WBP1L: variants seen among roughly 807,000 people sequenced by gnomAD.
WBP1L encodes WW domain binding protein 1-like.
In WBP1L, 17 loss-of-function variants were observed where a neutral mutation model predicts 33.7. The ratio of observed to expected loss-of-function variants is 0.50; its 90% confidence interval spans 0.34 to 0.76. The LOEUF (loss-of-function observed/expected upper bound fraction) is 0.76, where lower values mean the gene tolerates loss of function less well. Ranked by LOEUF, WBP1L falls within the 30% of genes least tolerant of loss-of-function variation. The probability of loss-of-function intolerance (pLI) is 0.01; values close to 1 mark genes in which losing one functional copy is unlikely to be tolerated. For missense variants in WBP1L, 389 were observed against 469.4 expected, an observed-to-expected ratio of 0.83 and a Z score of 1.58; for synonymous variants, 173 against 190.8, an observed-to-expected ratio of 0.91 and a Z score of 0.77.
At chr10:102,763,364 G>A (rs1474166571) in intron 1 of WBP1L, among the ~76,000 whole-genome samples, 1 of 152,106 alleles carries the variant, frequency 6.6e-6, no homozygotes, top group Non-Finnish European at 1.5e-5. Flanking sequence ...AGGCTTAACC[G>A]TAAGCTTATA....
rs1283811903 is a variant in WBP1L, at chr10:102,810,670, G to A, written c.355+616G>A. Among the ~76,000 whole-genome samples the A allele has an allele frequency of 6.3e-5, 9 of 142,810 alleles. No individual in the cohort carries two copies. The East Asian group carries it at 1.3e-3, about 20-fold the overall frequency. The allele number at this position is 142,810 out of a possible 152,430, so 93.7% of individuals were successfully genotyped here. On this transcript the variant is annotated intron_variant, in intron 3 of 3. Coordinates refer to ENST00000448841, the MANE Select transcript of WBP1L (RefSeq NM_001083913.2). ...CAACCTCTGCTTTCCAGGTTCAAGCGATTCTCCCGCCTCAGCCTCCAAAGT... is the reference window on the plus strand; with the variant it reads ...CAACCTCTGCTTTCCAGGTTCAAGCAATTCTCCCGCCTCAGCCTCCAAAGT...
At chr10:102,780,976 C>T (rs558799293) in intron 1 of WBP1L, among the ~76,000 whole-genome samples, 2 of 152,270 alleles carry the variant, frequency 1.3e-5, no homozygotes, top group East Asian at 1.9e-4. Context: ...TGGGATGATC[C>T]CTGATACTGG....
chr10:102,794,276 A>C (rs1843541885), intron 1 of WBP1L, among the ~76,000 whole-genome samples: 1 of 152,162 alleles, frequency 6.6e-6, no homozygotes, highest in Non-Finnish European at 1.5e-5. Context: ...TGAGGCTGCT[A>C]TGTCAGGGTG....
At chr10:102,765,995 A>G (rs1001195712) in intron 1 of WBP1L, among the ~76,000 whole-genome samples, 1 of 152,200 alleles carries the variant, frequency 6.6e-6, no homozygotes, top group Non-Finnish European at 1.5e-5. Context: ...ACAGTGAAAG[A>G]TGAAATCAGA....
intron 1 of WBP1L, among the ~76,000 whole-genome samples, chr10:102,795,972 C>T (rs767187974): frequency 2.0e-5 from 3 of 151,996 alleles, no homozygotes; most frequent in East Asian, 1.9e-4. Context: ...ATGGTGAAAA[C>T]GGAAGGAGGA....
chr10:102,784,471 G>A (rs1367259695), intron 1 of WBP1L, among the ~76,000 whole-genome samples: 1 of 145,054 alleles, frequency 6.9e-6, no homozygotes, highest in African/African-American at 2.6e-5. Context: ...TGTCGCCCAG[G>A]CTGGAGTGCA....
At chr10:102,787,599 A>G (rs1843434070) in intron 1 of WBP1L, among the ~76,000 whole-genome samples, 1 of 152,024 alleles carries the variant, frequency 6.6e-6, no homozygotes, top group Admixed American at 6.6e-5. Context: ...AGAGGGGGAA[A>G]AAAAAGAGAG....
At chr10:102,767,265 A>G (rs1368764388) in intron 1 of WBP1L, among the ~76,000 whole-genome samples, 4 of 152,226 alleles carry the variant, frequency 2.6e-5, no homozygotes, top group African/African-American at 9.7e-5. Flanking sequence ...GTGATTGTCA[A>G]CAACAAAATG....
At chr10:102,749,398 G>A (rs1160545491) in intron 1 of WBP1L, among the ~76,000 whole-genome samples, 1 of 151,542 alleles carries the variant, frequency 6.6e-6, no homozygotes, top group Non-Finnish European at 1.5e-5. Flanking sequence ...AGCCTCCCAA[G>A]GAGCTAGGAT....
chr10:102,775,475 G>T (rs554333658), intron 1 of WBP1L, among the ~76,000 whole-genome samples: 1 of 152,306 alleles, frequency 6.6e-6, no homozygotes, highest in East Asian at 1.9e-4. Context: ...ACCAAGAGTT[G>T]GTTTAAATAT....
At chr10:102,744,838 T>G (rs1842845884) in intron 1 of WBP1L, among the ~76,000 whole-genome samples, 1 of 152,216 alleles carries the variant, frequency 6.6e-6, no homozygotes, top group South Asian at 2.1e-4. Context: ...TCAGGGCTTT[T>G]GACCAGAGGG....
intron 1 of WBP1L, among the ~76,000 whole-genome samples, chr10:102,790,790 C>T (rs904968334): frequency 6.6e-6 from 1 of 152,120 alleles, no homozygotes; most frequent in African/African-American, 2.4e-5. Context: ...GAATTACAAG[C>T]GTGAGCCACC....
intron 1 of WBP1L, 84 bp downstream of exon 1, chr10:102,744,227 C>A: frequency 7.1e-7 from 1 of 1,401,678 alleles, no homozygotes. Context: ...AGTGTTGTTG[C>A]CAAGAGTTGA....
At chr10:102,769,355 T>TC (rs1843156503) in intron 1 of WBP1L, among the ~76,000 whole-genome samples, 1 of 142,674 alleles carries the variant, frequency 7.0e-6, no homozygotes, top group African/African-American at 2.5e-5. Context: ...TTTTCTTTTT[T>TC]CTTTCTTTTT....
At chr10:102,765,543 T>C (rs1185973148) in intron 1 of WBP1L, among the ~76,000 whole-genome samples, 1 of 152,180 alleles carries the variant, frequency 6.6e-6, no homozygotes, top group Non-Finnish European at 1.5e-5. Flanking sequence ...CAGGATCCTC[T>C]CTTTAGTCAC....
At chr10:102,804,495 A>G (rs1455487904) in intron 2 of WBP1L, among the ~76,000 whole-genome samples, 1 of 151,750 alleles carries the variant, frequency 6.6e-6, no homozygotes, top group Non-Finnish European at 1.5e-5. Flanking sequence ...AATCTGATGA[A>G]CACTTTAAAT....
At chr10:102,744,458 C>T (rs534324469) in intron 1 of WBP1L, 3 of 985,086 alleles carry the variant, frequency 3.0e-6, no homozygotes, top group Non-Finnish European at 3.6e-6. Context: ...TATTCGTGTC[C>T]CTCTGTGGAG....
chr10:102,777,745 A>G (rs897883206), intron 1 of WBP1L, among the ~76,000 whole-genome samples: 5 of 151,768 alleles, frequency 3.3e-5, no homozygotes, highest in Admixed American at 2.0e-4. Context: ...TTGTATTTTT[A>G]GTAGAGACGG....
rs1434757886 is a variant in WBP1L, at chr10:102,765,825, T to C, written c.90+21682T>C. Among the ~76,000 whole-genome samples, 5 of 152,252 alleles carry C rather than the reference T, an allele frequency of 3.3e-5. No individual in the cohort carries two copies. The East Asian group carries it at 9.6e-4, about 29-fold the overall frequency. On this transcript the variant is annotated intron_variant, in intron 1 of 3. Coordinates refer to ENST00000448841, the MANE Select transcript of WBP1L (RefSeq NM_001083913.2). ...ATTGCTTTCTGGACAGTGAGAATGCTTAGAGCACCCAGAACTGCTTCTAAG... is the reference window on the plus strand; with the variant it reads ...ATTGCTTTCTGGACAGTGAGAATGCCTAGAGCACCCAGAACTGCTTCTAAG...
Sources: allele counts gnomAD v4.1 joint callset (sites outside exome capture counted in the v4.1 genomes callset), GRCh38; gene constraint gnomAD v4.1.1; transcripts MANE v1.5; gene names NCBI Gene and HGNC (gene_info 2026-07-23, HGNC 2026-07-21).